OXR1: variants seen among roughly 807,000 people sequenced by gnomAD.
The protein encoded by OXR1 is oxidation resistance protein 1.
Under a neutral mutation model 104.6 loss-of-function variants are expected in OXR1, and 41 were observed. That is an observed-to-expected ratio of 0.39 (90% CI 0.31 to 0.51). The LOEUF is 0.51. Among genes scored for constraint, OXR1 ranks in the 20% least tolerant of loss-of-function variants. The pLI, the probability that OXR1 is intolerant of heterozygous loss-of-function variation, is 0.77. For missense variants in OXR1, 955 were observed against 1,031.9 expected (o/e 0.93, Z 1.02); for synonymous variants, 348 against 348.4 (o/e 1.00, Z 0.01).
intron 2 of OXR1, among the ~76,000 whole-genome samples, chr8:106,505,124 G>C (rs983394767): frequency 2.0e-5 from 3 of 152,174 alleles, no homozygotes; most frequent in Non-Finnish European, 2.9e-5. Context: ...ATAACTATTA[G>C]GAATGCTGTG....
At chr8:106,542,556 G>A in intron 3 of OXR1, among the ~76,000 whole-genome samples, 1 of 152,066 alleles carries the variant, frequency 6.6e-6, no homozygotes, top group East Asian at 1.9e-4. Flanking sequence ...TCACATATAT[G>A]CAATCATAAA....
chr8:106,642,134 C>T (rs1041385528), intron 3 of OXR1, among the ~76,000 whole-genome samples: 1 of 152,052 alleles, frequency 6.6e-6, no homozygotes, highest in East Asian at 1.9e-4. Flanking sequence ...AAAACAAATA[C>T]TGTAAAATTG....
intron 3 of OXR1, among the ~76,000 whole-genome samples, chr8:106,578,580 CA>C (rs1324076119): frequency 6.6e-6 from 1 of 152,162 alleles, no homozygotes; most frequent in Non-Finnish European, 1.5e-5. Context: ...TTGTGCATAG[CA>C]TATCTCCTTT....
At chr8:106,484,505 G>A (rs1232620647) in intron 2 of OXR1, among the ~76,000 whole-genome samples, 1 of 151,760 alleles carries the variant, frequency 6.6e-6, no homozygotes, top group African/African-American at 2.4e-5. Flanking sequence ...ATTAAAAATG[G>A]GTCAAAGATC....
chr8:106,688,697 G>A (rs761827768), intron 6 of OXR1, among the ~76,000 whole-genome samples: 65 of 152,136 alleles, frequency 4.3e-4, no homozygotes, highest in East Asian at 3.7e-3. Context: ...CATGAGGTAG[G>A]TACAATAATC....
chr8:106,275,034 C>G (rs1811979459), intron 1 of OXR1, among the ~76,000 whole-genome samples: 1 of 152,228 alleles, frequency 6.6e-6, no homozygotes, highest in Admixed American at 6.5e-5. Flanking sequence ...CCAGATATAT[C>G]TCTAAAAGTA....
chr8:106,330,710 C>T (rs988050084), intron 1 of OXR1, among the ~76,000 whole-genome samples: 1 of 152,188 alleles, frequency 6.6e-6, no homozygotes, highest in Non-Finnish European at 1.5e-5. Flanking sequence ...AACATGACCC[C>T]TGCAAGTGCA....
chr8:106,430,718 G>A (rs145053042), intron 2 of OXR1, among the ~76,000 whole-genome samples: 1 of 152,246 alleles, frequency 6.6e-6, no homozygotes, highest in East Asian at 1.9e-4. Flanking sequence ...AGTACCAGTG[G>A]ATTTCAAGGA....
intron 3 of OXR1, among the ~76,000 whole-genome samples, chr8:106,668,799 T>C (rs1034612873): frequency 1.3e-5 from 2 of 152,332 alleles, no homozygotes; most frequent in Non-Finnish European, 2.9e-5. Flanking sequence ...TATGAAGTTA[T>C]GTAGGGAAGC....
chr8:106,440,445 A>G (rs535028541), intron 2 of OXR1, among the ~76,000 whole-genome samples: 24 of 152,254 alleles, frequency 1.6e-4, no homozygotes, highest in Admixed American at 5.9e-4. Flanking sequence ...ATTATATGGT[A>G]TATTATTACA....
chr8:106,463,203 G>A (rs1016755034), intron 2 of OXR1, among the ~76,000 whole-genome samples: 7 of 152,030 alleles, frequency 4.6e-5, no homozygotes, highest in African/African-American at 1.4e-4. Context: ...AATAAAGCTC[G>A]ATGCTCTCCT....
intron 2 of OXR1, among the ~76,000 whole-genome samples, chr8:106,502,009 A>G (rs1266597577): frequency 6.6e-6 from 1 of 152,156 alleles, no homozygotes; most frequent in Admixed American, 6.5e-5. Flanking sequence ...GACCAGTAAC[A>G]AAGACTCCAC....
At chr8:106,720,002 T>A (rs1249088508) in intron 11 of OXR1, among the ~76,000 whole-genome samples, 1 of 152,034 alleles carries the variant, frequency 6.6e-6, no homozygotes, top group Non-Finnish European at 1.5e-5. Flanking sequence ...GAGACGGAGT[T>A]TCATCGTGTT....
chr8:106,588,347 A>T (rs1365848435), intron 3 of OXR1, among the ~76,000 whole-genome samples: 1 of 151,930 alleles, frequency 6.6e-6, no homozygotes, highest in Non-Finnish European at 1.5e-5. Flanking sequence ...ACCTATTTTG[A>T]GTTATCTTTG....
rs943032487 is a variant in OXR1, at chr8:106,751,032, A to G, written c.*91A>G. The G allele has an allele frequency of 1.0e-5, 9 of 898,968 alleles. No individual in the cohort carries two copies. Among genetic ancestry groups the G allele is most frequent in the African/African-American group, 8.5e-5 (5 of 58,784 alleles). The allele number at this position is 898,968 out of a possible 1,614,324, so 55.7% of individuals were successfully genotyped here. A position where few individuals can be genotyped will look rare whatever the true frequency, so the allele number is the denominator to read the frequency against. On this transcript the variant is annotated 3_prime_UTR_variant, in exon 17 of 17. Transcript: ENST00000517566. ...AGTTCAAGAAGCAATACAGTGTAAC[A>G]TGTCACTTGTGCTTTAAAATTAGTC... is the stretch of plus-strand genomic sequence containing the variant.
At chr8:106,485,469 G>A (rs1455640411) in intron 2 of OXR1, among the ~76,000 whole-genome samples, 1 of 152,044 alleles carries the variant, frequency 6.6e-6, no homozygotes, top group Non-Finnish European at 1.5e-5. Flanking sequence ...CTCAATAAAT[G>A]TTTTTTAGTT....
chr8:106,648,948 T>G (rs1349182094), intron 3 of OXR1, among the ~76,000 whole-genome samples: 2 of 152,172 alleles, frequency 1.3e-5, no homozygotes, highest in Non-Finnish European at 1.5e-5. Context: ...CTCATGCCTG[T>G]AATCACAGCA....
At chr8:106,544,895 GT>G (rs990006237) in intron 3 of OXR1, among the ~76,000 whole-genome samples, 2 of 152,116 alleles carry the variant, frequency 1.3e-5, no homozygotes, top group Non-Finnish European at 2.9e-5. Flanking sequence ...GCTTATTAGA[GT>G]TTATTACTGC....
chr8:106,534,663 T>C (rs898389349), intron 3 of OXR1, among the ~76,000 whole-genome samples: 35 of 152,220 alleles, frequency 2.3e-4, no homozygotes, highest in Non-Finnish European at 8.8e-5. Flanking sequence ...GCTGTGTTGG[T>C]CAAGTTTGTT....
Sources: allele counts gnomAD v4.1 joint callset (sites outside exome capture counted in the v4.1 genomes callset), GRCh38; gene constraint gnomAD v4.1.1; transcripts MANE v1.5; gene names NCBI Gene and HGNC (gene_info 2026-07-23, HGNC 2026-07-21).